PPP4R3C: variants seen among roughly 807,000 people sequenced by gnomAD.
PPP4R3C encodes the protein protein PPP4R3C.
For missense variants in PPP4R3C, 372 were observed against 237.3 expected (o/e 1.57, Z -3.73); for synonymous variants, 150 against 86.5 (o/e 1.73, Z -4.07).
Position 27,462,325 on chromosome X carries a change from A to T in PPP4R3C, c.972T>A (p.Thr324=). 1.9e-6 allele frequency: 1 copy of T among 515,578 alleles called. No homozygotes were observed. Among genetic ancestry groups the T allele is most frequent in the Non-Finnish European group, 3.5e-6 (1 of 287,129 alleles). 42.5% of individuals were successfully genotyped at this position (515,578 alleles called of 1,213,427 possible). The change falls in exon 1 of 1, where the codon ACT becomes ACA. Residue 324 remains threonine (T), a synonymous_variant. Coordinates refer to ENST00000412172, the MANE Select transcript of PPP4R3C (RefSeq NM_207319.4). Reference sequence around the variant, plus strand: ...ATTCACACCGTCTATCATCATGTGTAGTCTCATCCTTTAACTGTGCAAAAA... The same window carrying T: ...ATTCACACCGTCTATCATCATGTGTTGTCTCATCCTTTAACTGTGCAAAAA... The part of the protein sequence containing the change: ...YEVFAQLKDE[T]THDDRRCELL...
Position 27,460,483 on chromosome X carries a change from TACATTA to T in PPP4R3C, c.*309_*314del, listed in dbSNP as rs1922934296. ...CTAATATATACCTCTAGAACAAAAC[TACATTA>T]ACATTATCGACCTGGTTCTTCCCCA... On this transcript the variant is annotated 3_prime_UTR_variant, in exon 1 of 1. Coordinates refer to ENST00000412172, the MANE Select transcript of PPP4R3C (RefSeq NM_207319.4). The T allele has an allele frequency of 1.2e-5, 2 of 168,274 alleles. No individual in the cohort carries two copies. Among genetic ancestry groups the T allele is most frequent in the African/African-American group, 6.1e-5 (2 of 32,772 alleles). 13.9% of individuals were successfully genotyped at this position (168,274 alleles called of 1,213,427 possible). A position where few individuals can be genotyped will look rare whatever the true frequency, so the allele number is the denominator to read the frequency against.
Position 27,463,314 on chromosome X carries a change from C to T in PPP4R3C, c.-18G>A. 1 of 498,465 alleles carries T rather than the reference C, an allele frequency of 2.0e-6. No individual in the cohort carries two copies. The highest frequency in any genetic ancestry group is 3.6e-6 in the Non-Finnish European group (1 of 277,372). The allele number at this position is 498,465 out of a possible 1,213,427, so 41.1% of individuals were successfully genotyped here. On this transcript the variant is annotated 5_prime_UTR_variant, in exon 1 of 1. Coordinates refer to ENST00000412172, the MANE Select transcript of PPP4R3C (RefSeq NM_207319.4). Reference sequence around the variant, plus strand: ...CCTGCCATAGCGTCCTCTGGCCTCGCCCCGTCAGGTCTGTTCTCCACGGCA... The same window carrying T: ...CCTGCCATAGCGTCCTCTGGCCTCGTCCCGTCAGGTCTGTTCTCCACGGCA...
chrX:27,462,038 A>T lies in PPP4R3C; in HGVS notation c.1259T>A (p.Ile420Asn). ...ATCAGTATCACAGATCATTTGTTTA[A>T]TTATTACATTAATGAAAAGGTCACT... is the stretch of plus-strand genomic sequence containing the variant. The part of the protein sequence containing the change: ...KDSDLFINVI[I>N]KQMICDTDPE... Residue 420 changes from isoleucine (I) to asparagine (N), a missense_variant, in exon 1 of 1, where the codon ATT (isoleucine) becomes AAT (asparagine). Physicochemically the swap from Ile to Asn is moderately radical, Grantham distance 149. Transcript: ENST00000412172. 1 of 524,927 alleles carries T rather than the reference A, an allele frequency of 1.9e-6. No individual in the cohort carries two copies. Among genetic ancestry groups the T allele is most frequent in the Non-Finnish European group, 3.4e-6 (1 of 291,485 alleles). 43.3% of individuals were successfully genotyped at this position (524,927 alleles called of 1,213,427 possible).
rs982320155 is a variant in PPP4R3C, at chrX:27,461,141, A to G, written c.2156T>C (p.Leu719Pro). ...CTCCGTAAATTTATCGTCATCTTCC[A>G]GTGGTGGCATAACTGCTTCTCCTTC... ...TQEGEAVMPP[L>P]EDDDKFTETK... The change falls in exon 1 of 1, where the codon CTG becomes CCG. Residue 719 changes from leucine (L) to proline (P), a missense_variant. Physicochemically the swap from Leu to Pro is moderately conservative, Grantham distance 98. Coordinates refer to ENST00000412172, the MANE Select transcript of PPP4R3C (RefSeq NM_207319.4). 3 of 509,819 alleles carry G rather than the reference A, an allele frequency of 5.9e-6. No individual in the cohort carries two copies. In the African/African-American group the frequency reaches 7.1e-5, roughly 12 times the overall value. The allele number at this position is 509,819 out of a possible 1,213,427, so 42.0% of individuals were successfully genotyped here.
In PPP4R3C at chrX:27,460,535, T is replaced by A. The variant is rs1922935960; in HGVS notation, c.*263A>T. ...CCCCATTCCAAACTAAGACTTTCCTTCCCAAAGATGGTTTCCTCCCCCAAA... is the reference window on the plus strand; with the variant it reads ...CCCCATTCCAAACTAAGACTTTCCTACCCAAAGATGGTTTCCTCCCCCAAA... On this transcript the variant is annotated 3_prime_UTR_variant, in exon 1 of 1. Transcript: ENST00000412172. The A allele has an allele frequency of 4.2e-6, 1 of 239,425 alleles. No individual in the cohort carries two copies. Among genetic ancestry groups the A allele is most frequent in the African/African-American group, 2.9e-5 (1 of 34,586 alleles). The allele number at this position is 239,425 out of a possible 1,213,427, so 19.7% of individuals were successfully genotyped here. A position where few individuals can be genotyped will look rare whatever the true frequency, so the allele number is the denominator to read the frequency against.
rs1057375019 is a variant in PPP4R3C at position 27,461,997 on chromosome X, C to T, written c.1300G>A (p.Ala434Thr). ...TGCAGAACTACCATCAAATGAACAGCACCTCCTAACTCAGGATCAGTATCA... is the reference window on the plus strand; with the variant it reads ...TGCAGAACTACCATCAAATGAACAGTACCTCCTAACTCAGGATCAGTATCA... ...ICDTDPELGGAVHLMVVLHTL... is the reference protein window; with the variant it reads ...ICDTDPELGGTVHLMVVLHTL... The change falls in exon 1 of 1, where the codon GCT (alanine) becomes ACT (threonine). Residue 434 changes from alanine (A) to threonine (T), a missense_variant. Ala to Thr is a moderately conservative substitution (Grantham distance 58). Transcript: ENST00000412172. 3.2e-5 allele frequency: 17 copies of T among 528,310 alleles called. No individual in the cohort carries two copies. Among genetic ancestry groups the T allele is most frequent in the African/African-American group, 6.9e-5 (3 of 43,610 alleles). 43.5% of individuals were successfully genotyped at this position (528,310 alleles called of 1,213,427 possible).
chrX:27,463,218 C>G lies in PPP4R3C; in HGVS notation c.79G>C (p.Val27Leu), dbSNP rs1165030611. The change falls in exon 1 of 1, where the codon GTC becomes CTC. Residue 27 changes from valine (V) to leucine (L), a missense_variant. Physicochemically the swap from Val to Leu is conservative, Grantham distance 32 (BLOSUM62 1). Transcript: ENST00000412172. ...AACTGCTCGTCATAGGTGGATGAGA[C>G]CTGACCGGTGCCTAGATTGTTCCAT... is the stretch of plus-strand genomic sequence containing the variant. Reference protein sequence around the residue: ...EEWNNLGTGQVSSTYDEQFQG... With the variant: ...EEWNNLGTGQLSSTYDEQFQG... 5 of 514,926 alleles carry G rather than the reference C, an allele frequency of 9.7e-6. No individual in the cohort carries two copies. The highest frequency in any genetic ancestry group is 1.7e-5 in the Non-Finnish European group (5 of 286,976). The allele number at this position is 514,926 out of a possible 1,213,427, so 42.4% of individuals were successfully genotyped here. A position where few individuals can be genotyped will look rare whatever the true frequency, so the allele number is the denominator to read the frequency against.
chrX:27,461,825 T>A lies in PPP4R3C; in HGVS notation c.1472A>T (p.Asp491Val), dbSNP rs771047394. The change falls in exon 1 of 1, where the codon GAT becomes GTT. Residue 491 changes from aspartate to valine, a missense_variant. Asp to Val is a radical substitution (Grantham distance 152). Transcript: ENST00000412172. ...ATSEHNCEEDDIAGYDKSKNC... is the reference protein window; with the variant it reads ...ATSEHNCEEDVIAGYDKSKNC... The stretch of plus-strand genomic sequence containing the variant: ...TTTGCTTTTGTCATATCCAGCTATA[T>A]CATCCTCCTCACAGTTGTGTTCTGA... The A allele has an allele frequency of 1.9e-5, 10 of 513,922 alleles. No individual in the cohort carries two copies. The South Asian group carries it at 2.5e-4, about 13-fold the overall frequency. 42.4% of individuals were successfully genotyped at this position (513,922 alleles called of 1,213,427 possible).
Position 27,462,945 on chromosome X carries a change from C to G in PPP4R3C, c.352G>C (p.Glu118Gln), listed in dbSNP as rs997856945. ...QTTVNISDEPEEDFNEMSVIS... is the reference protein window; with the variant it reads ...QTTVNISDEPQEDFNEMSVIS... Reference sequence around the variant, plus strand: ...ACTGACATTTCATTAAAGTCTTCCTCTGGTTCATCTGAAATGTTCACTGTG... The same window carrying G: ...ACTGACATTTCATTAAAGTCTTCCTGTGGTTCATCTGAAATGTTCACTGTG... The change falls in exon 1 of 1, where the codon GAG becomes CAG. Residue 118 changes from glutamate to glutamine, a missense_variant. By Grantham distance (29) the Glu-to-Gln change is conservative. Transcript: ENST00000412172. The G allele has an allele frequency of 1.2e-5, 6 of 515,221 alleles. No homozygotes were observed. The highest frequency in any genetic ancestry group is 2.1e-5 in the Non-Finnish European group (6 of 287,085). 42.5% of individuals were successfully genotyped at this position (515,221 alleles called of 1,213,427 possible). A position where few individuals can be genotyped will look rare whatever the true frequency, so the allele number is the denominator to read the frequency against.
In PPP4R3C at chrX:27,461,778, T is replaced by C; in HGVS notation, c.1519A>G (p.Thr507Ala). 1 of 515,401 alleles carries C rather than the reference T, an allele frequency of 1.9e-6. No homozygotes were observed. Among genetic ancestry groups the C allele is most frequent in the Non-Finnish European group, 3.5e-6 (1 of 287,055 alleles). The allele number at this position is 515,401 out of a possible 1,213,427, so 42.5% of individuals were successfully genotyped here. A position where few individuals can be genotyped will look rare whatever the true frequency, so the allele number is the denominator to read the frequency against. ...AATATCAAAGCAAGCAGTTGTGCTG[T>C]TTGATTATCATTGGGGCAATTTTTG... ...KSKNCPNDNQ[T>A]AQLLALILEL... Residue 507 changes from threonine (T) to alanine (A), a missense_variant, in exon 1 of 1, where the codon ACA (threonine) becomes GCA (alanine). Coordinates refer to ENST00000412172, the MANE Select transcript of PPP4R3C (RefSeq NM_207319.4).
rs1311141495 is a variant in PPP4R3C, at chrX:27,461,057, T to G, written c.2240A>C (p.Glu747Ala). ...TTGGTTTCTTTTAGTCTCCATAAATTCATCGTCATCTTCCAGTGGTGGCAT... is the reference window on the plus strand; with the variant it reads ...TTGGTTTCTTTTAGTCTCCATAAATGCATCGTCATCTTCCAGTGGTGGCAT... ...AVMPPLEDDD[E>A]FMETKRNQEH... The change falls in exon 1 of 1, where the codon GAA (glutamate) becomes GCA (alanine). Residue 747 changes from glutamate (E) to alanine (A), a missense_variant. Physicochemically the swap from Glu to Ala is moderately radical, Grantham distance 107. Transcript: ENST00000412172. The G allele has an allele frequency of 1.9e-6, 1 of 514,567 alleles. No homozygotes were observed. Among genetic ancestry groups the G allele is most frequent in the Non-Finnish European group, 3.5e-6 (1 of 286,909 alleles). 42.4% of individuals were successfully genotyped at this position (514,567 alleles called of 1,213,427 possible).
In PPP4R3C at chrX:27,461,340, G is replaced by A. The variant is rs1224307011; in HGVS notation, c.1957C>T (p.Gln653Ter). 1 of 513,623 alleles carries A rather than the reference G, an allele frequency of 1.9e-6. No individual in the cohort carries two copies. The highest frequency in any genetic ancestry group is 2.3e-5 in the African/African-American group (1 of 43,253). The allele number at this position is 513,623 out of a possible 1,213,427, so 42.3% of individuals were successfully genotyped here. The change falls in exon 1 of 1, where the codon CAA becomes TAA. Residue 653 changes from glutamine (Q) to a stop codon, truncating the protein, a stop_gained. Coordinates refer to ENST00000412172, the MANE Select transcript of PPP4R3C (RefSeq NM_207319.4). LOFTEE classifies it low-confidence loss of function (END_TRUNC). Reference sequence around the variant, plus strand: ...TGTAAATTCTTTTGTATTTGACTTTGTCTGTCTCTCTCTTTTTCATATTTA... The same window carrying A: ...TGTAAATTCTTTTGTATTTGACTTTATCTGTCTCTCTCTTTTTCATATTTA... The part of the protein sequence containing the change: ...KIKYEKERDR[Q>*]SQIQKNLHSV...
rs1402765513 is a variant in PPP4R3C, at chrX:27,462,942, C to T, written c.355G>A (p.Glu119Lys). The change falls in exon 1 of 1, where the codon GAA becomes AAA. Residue 119 changes from glutamate (E) to lysine (K), a missense_variant. Glu to Lys is a moderately conservative substitution (Grantham distance 56). Coordinates refer to ENST00000412172, the MANE Select transcript of PPP4R3C (RefSeq NM_207319.4). ...ATTACTGACATTTCATTAAAGTCTT[C>T]CTCTGGTTCATCTGAAATGTTCACT... Reference protein sequence around the residue: ...TTVNISDEPEEDFNEMSVISN... With the variant: ...TTVNISDEPEKDFNEMSVISN... 1.2e-5 allele frequency: 6 copies of T among 513,294 alleles called. No homozygotes were observed. The highest frequency in any genetic ancestry group is 2.1e-5 in the Non-Finnish European group (6 of 286,776). 42.3% of individuals were successfully genotyped at this position (513,294 alleles called of 1,213,427 possible).
rs943531728 is a variant in PPP4R3C at position 27,460,702 on chromosome X, G to T, written c.*96C>A. The T allele has an allele frequency of 2.4e-6, 1 of 419,697 alleles. No individual in the cohort carries two copies. Among genetic ancestry groups the T allele is most frequent in the Non-Finnish European group, 4.1e-6 (1 of 244,455 alleles). The allele number at this position is 419,697 out of a possible 1,213,427, so 34.6% of individuals were successfully genotyped here. On this transcript the variant is annotated 3_prime_UTR_variant, in exon 1 of 1. Transcript: ENST00000412172. ...TTATATCTGTGATTTATCATTATAAGTTCACATGAAAAAGCTTGTGGAATC... is the reference window on the plus strand; with the variant it reads ...TTATATCTGTGATTTATCATTATAATTTCACATGAAAAAGCTTGTGGAATC...
In PPP4R3C at chrX:27,462,403, G is replaced by T; in HGVS notation, c.894C>A (p.Asn298Lys). The change falls in exon 1 of 1, where the codon AAC becomes AAA. Residue 298 changes from asparagine to lysine, a missense_variant. Coordinates refer to ENST00000412172, the MANE Select transcript of PPP4R3C (RefSeq NM_207319.4). ...LSTLTTFIFS[N>K]KAEIVSMLQK... Reference sequence around the variant, plus strand: ...GCAGCATGCTTACTATCTCAGCCTTGTTGGAGAAAATAAAAGTTGTAAGTG... The same window carrying T: ...GCAGCATGCTTACTATCTCAGCCTTTTTGGAGAAAATAAAAGTTGTAAGTG... The T allele has an allele frequency of 1.9e-6, 1 of 514,908 alleles. No individual in the cohort carries two copies. The highest frequency in any genetic ancestry group is 3.5e-6 in the Non-Finnish European group (1 of 286,987). The allele number at this position is 514,908 out of a possible 1,213,427, so 42.4% of individuals were successfully genotyped here.
rs1385721000 is a variant in PPP4R3C, at chrX:27,462,940, T to C, written c.357A>G (p.Glu119=). 1 of 513,435 alleles carries C rather than the reference T, an allele frequency of 1.9e-6. No homozygotes were observed. Among genetic ancestry groups the C allele is most frequent in the African/African-American group, 2.3e-5 (1 of 43,219 alleles). 42.3% of individuals were successfully genotyped at this position (513,435 alleles called of 1,213,427 possible). Residue 119 remains glutamate, a synonymous_variant, in exon 1 of 1, where the codon GAA becomes GAG. Coordinates refer to ENST00000412172, the MANE Select transcript of PPP4R3C (RefSeq NM_207319.4). ...TTVNISDEPE[E]DFNEMSVISN... is the part of the protein sequence containing the mutation. ...TAATTACTGACATTTCATTAAAGTC[T>C]TCCTCTGGTTCATCTGAAATGTTCA...
rs1602565066 is a variant in PPP4R3C at position 27,463,320 on chromosome X, C to T, written c.-24G>A. 4.1e-6 allele frequency: 2 copies of T among 488,973 alleles called. No individual in the cohort carries two copies. The highest frequency in any genetic ancestry group is 7.3e-6 in the Non-Finnish European group (2 of 273,039). The allele number at this position is 488,973 out of a possible 1,213,427, so 40.3% of individuals were successfully genotyped here. On this transcript the variant is annotated 5_prime_UTR_variant, in exon 1 of 1. Coordinates refer to ENST00000412172, the MANE Select transcript of PPP4R3C (RefSeq NM_207319.4). ...ATAGCGTCCTCTGGCCTCGCCCCGT[C>T]AGGTCTGTTCTCCACGGCACTGCTT...
Position 27,462,559 on chromosome X carries a change from C to T in PPP4R3C, c.738G>A (p.Ala246=), listed in dbSNP as rs184576865. 5.4e-6 allele frequency: 3 copies of T among 552,627 alleles called. No homozygotes were observed. Among genetic ancestry groups the T allele is most frequent in the East Asian group, 3.3e-5 (1 of 30,521 alleles). 45.5% of individuals were successfully genotyped at this position (552,627 alleles called of 1,213,427 possible). Residue 246 remains alanine, a synonymous_variant, in exon 1 of 1, where the codon GCG becomes GCA. Transcript: ENST00000412172. ...TTATTGGTATAACTTCCTTGAACTT[C>T]GCATCGTTGGTCAAGAAGTCCCTAT... ...KRHRDFLTND[A]KFKEVIPITN...
At position 27,462,809 on chromosome X, in the gene PPP4R3C, G is replaced by A. The variant is rs1922999178; in HGVS notation, c.488C>T (p.Ala163Val). The A allele has an allele frequency of 1.9e-6, 1 of 515,466 alleles. No individual in the cohort carries two copies. Among genetic ancestry groups the A allele is most frequent in the East Asian group, 3.6e-5 (1 of 27,750 alleles). The allele number at this position is 515,466 out of a possible 1,213,427, so 42.5% of individuals were successfully genotyped here. ...SSPVTDRERL[A>V]EILKNEAYIP... is the part of the protein sequence containing the mutation. ...ATAAGCCTCATTTTTCAAGATCTCA[G>A]CCAGTCTTTCCCTATCCGTAACAGG... Residue 163 changes from alanine (A) to valine (V), a missense_variant, in exon 1 of 1, where the codon GCT (alanine) becomes GTT (valine). By Grantham distance (64) the Ala-to-Val change is moderately conservative (BLOSUM62 0). Coordinates refer to ENST00000412172, the MANE Select transcript of PPP4R3C (RefSeq NM_207319.4).
Sources: gnomAD v4.1 joint callset for allele counts on GRCh38, gnomAD v4.1.1 for gene constraint, MANE v1.5 for transcripts, NCBI Gene and HGNC (gene_info 2026-07-23, HGNC 2026-07-21) for gene names.